LARGE1: variants seen among roughly 807,000 people sequenced by gnomAD.
The protein encoded by LARGE1 is xylosyl- and glucuronyltransferase LARGE1.
LARGE1 carries 43 observed loss-of-function variants against 87.6 expected under a neutral mutation model. The ratio of observed to expected loss-of-function variants is 0.49; its 90% CI spans 0.38 to 0.63. The LOEUF (loss-of-function observed/expected upper bound fraction) is 0.63, where lower values mean the gene tolerates loss of function less well. LARGE1 is among the 30% of genes least tolerant of loss of function. LARGE1 has a pLI of 0.00. For synonymous variants in LARGE1, 434 were observed against 394.6 expected, an observed-to-expected ratio of 1.10 and a Z score of -1.18; for missense variants, 802 against 1,000.2, an observed-to-expected ratio of 0.80 and a Z score of 2.67.
intron 13 of LARGE1, among the ~76,000 whole-genome samples, chr22:33,277,741 T>A (rs201787188): frequency 1.3e-5 from 2 of 152,190 alleles, no homozygotes; most frequent in African/African-American, 2.4e-5. Context: ...ATTTCTATTA[T>A]GTTAAGCCAT....
At chr22:33,604,818 C>T (rs190804212) in intron 4 of LARGE1, among the ~76,000 whole-genome samples, 7 of 152,260 alleles carry the variant, frequency 4.6e-5, no homozygotes, top group Non-Finnish European at 5.9e-5. Flanking sequence ...CAATTCAGGC[C>T]AAACGCCATA....
intron 2 of LARGE1, among the ~76,000 whole-genome samples, chr22:33,749,878 T>A (rs558399266): frequency 2.0e-5 from 3 of 152,158 alleles, no homozygotes; most frequent in Non-Finnish European, 4.4e-5. Context: ...TGTTTCTATA[T>A]CTGCAAGTTC....
At chr22:33,196,906 T>C (rs527248295) in intron 11 of LARGE1, among the ~76,000 whole-genome samples, 1 of 152,236 alleles carries the variant, frequency 6.6e-6, no homozygotes, top group South Asian at 2.1e-4. Flanking sequence ...ATGACTAGCA[T>C]AATGTAAAAA....
intron 2 of LARGE1, among the ~76,000 whole-genome samples, chr22:33,679,399 A>G (rs2081677263): frequency 6.6e-6 from 1 of 152,146 alleles, no homozygotes; most frequent in African/African-American, 2.4e-5. Context: ...ACTGGAGTAG[A>G]AATGTCCACG....
chr22:33,298,515 A>G (rs1933672940), intron 12 of LARGE1, among the ~76,000 whole-genome samples: 1 of 152,208 alleles, frequency 6.6e-6, no homozygotes, highest in Non-Finnish European at 1.5e-5. Context: ...GGTCAAATAA[A>G]TTCTAAATAA....
chr22:33,902,826 C>T (rs532960589), intron 1 of LARGE1, among the ~76,000 whole-genome samples: 4 of 152,188 alleles, frequency 2.6e-5, no homozygotes, highest in African/African-American at 4.8e-5. Context: ...TATTTAGTGA[C>T]GGGGTCTTTA....
At chr22:33,915,448 T>G (rs1368806126) in intron 1 of LARGE1, among the ~76,000 whole-genome samples, 1 of 152,160 alleles carries the variant, frequency 6.6e-6, no homozygotes, top group African/African-American at 2.4e-5. Flanking sequence ...TTTCATATTA[T>G]ATCATTTGTC....
chr22:33,713,982 G>GTAACATAATA (rs1556008354), intron 2 of LARGE1, among the ~76,000 whole-genome samples: 1 of 126,150 alleles, frequency 7.9e-6, no homozygotes, highest in Non-Finnish European at 1.7e-5. Flanking sequence ...GTAACATAAC[G>GTAACATAATA]TAACATAACA....
rs1602873259 is a variant in LARGE1 at position 33,635,430 on chromosome 22, A to G, written c.409-9104T>C. ...CTGAGTCTCTTCTTCAACCTCTCAG[A>G]CACGGTGTTGTCCTTACTGGAGTCA... On this transcript the variant is annotated intron_variant, in intron 3 of 14. Coordinates refer to ENST00000397394, the MANE Select transcript of LARGE1 (RefSeq NM_133642.5). Among the ~76,000 whole-genome samples the G allele has an allele frequency of 2.0e-5, 3 of 152,160 alleles. No homozygotes were observed. The South Asian group carries it at 6.2e-4, about 32-fold the overall frequency.
chr22:33,271,231 C>G (rs775691011), downstream of LARGE1, among the ~76,000 whole-genome samples: 1 of 152,330 alleles, frequency 6.6e-6, no homozygotes, highest in African/African-American at 2.4e-5. Flanking sequence ...TGTTTCATAT[C>G]TGTTTCCTTC....
chr22:33,174,936 T>C (rs1201699398), intron 11 of LARGE1, among the ~76,000 whole-genome samples: 1 of 152,180 alleles, frequency 6.6e-6, no homozygotes, highest in East Asian at 1.9e-4. Flanking sequence ...CTTCTAAAGC[T>C]ATTCCAAACA....
At chr22:33,373,477 G>A (rs2064886446) in intron 9 of LARGE1, among the ~76,000 whole-genome samples, 1 of 152,082 alleles carries the variant, frequency 6.6e-6, no homozygotes, top group African/African-American at 2.4e-5. Flanking sequence ...GGTTTCCTCT[G>A]GAAGCTTTTC....
intron 6 of LARGE1, among the ~76,000 whole-genome samples, chr22:33,561,882 C>T (rs917668086): frequency 5.9e-5 from 9 of 152,296 alleles, no homozygotes; most frequent in African/African-American, 1.9e-4. Context: ...CTGAAAAAGG[C>T]TTCTTTGTAA....
chr22:33,529,736 T>C (rs5998998), intron 6 of LARGE1, among the ~76,000 whole-genome samples: 1,758 of 152,234 alleles, frequency 0.012, 39 homozygotes, highest in African/African-American at 0.04. Context: ...GATGGTAAAA[T>C]AGGAAGCACA....
At chr22:33,306,221 G>C (rs1934899265) in intron 11 of LARGE1, among the ~76,000 whole-genome samples, 1 of 152,198 alleles carries the variant, frequency 6.6e-6, no homozygotes, top group Non-Finnish European at 1.5e-5. Context: ...GACTTCTGCT[G>C]TGGGGGCCTG....
chr22:33,708,640 G>A (rs1355835965), intron 2 of LARGE1, among the ~76,000 whole-genome samples: 2 of 152,050 alleles, frequency 1.3e-5, no homozygotes, highest in Non-Finnish European at 2.9e-5. Context: ...TCGCTCTGTC[G>A]CCCAGGCTGG....
chr22:33,689,939 G>C (rs573733175), intron 2 of LARGE1, among the ~76,000 whole-genome samples: 2 of 151,760 alleles, frequency 1.3e-5, no homozygotes, highest in Non-Finnish European at 2.9e-5. Context: ...AAAAAAAAAG[G>C]AGGGAAAAAT....
intron 11 of LARGE1, among the ~76,000 whole-genome samples, chr22:33,172,168 C>T (rs1369862208): frequency 1.3e-5 from 2 of 152,246 alleles, no homozygotes; most frequent in Non-Finnish European, 2.9e-5. Context: ...TGGCCAATTT[C>T]TCCCATTTAG....
At chr22:33,589,149 C>A (rs769647497) in intron 5 of LARGE1, among the ~76,000 whole-genome samples, 4 of 152,188 alleles carry the variant, frequency 2.6e-5, no homozygotes, top group Non-Finnish European at 5.9e-5. Flanking sequence ...CTAGGGCCCA[C>A]GGCTAGGCTG....
Sources: allele counts gnomAD v4.1 joint callset (sites outside exome capture counted in the v4.1 genomes callset), GRCh38; gene constraint gnomAD v4.1.1; transcripts MANE v1.5; gene names NCBI Gene and HGNC (gene_info 2026-07-23, HGNC 2026-07-21).